The following PNPLA7 variants were observed in gnomAD, a reference collection of about 807,000 sequenced individuals.
The protein encoded by PNPLA7 is patatin-like phospholipase domain-containing protein 7.
A neutral mutation model predicts 161.7 loss-of-function variants in PNPLA7; 153 were observed. That is an observed-to-expected ratio of 0.95 (90% CI 0.83 to 1.08). The LOEUF (loss-of-function observed/expected upper bound fraction) is 1.08, where lower values mean the gene tolerates loss of function less well. Among genes scored for constraint, PNPLA7 ranks in the 50% least tolerant of loss-of-function variants. The pLI is 0.00. For missense variants in PNPLA7, 1,739 were observed against 1,856.6 expected, an observed-to-expected ratio of 0.94 and a Z score of 1.16; for synonymous variants, 809 against 782.1, an observed-to-expected ratio of 1.03 and a Z score of -0.57.
Position 137,550,080 on chromosome 9 carries a change from C to A in PNPLA7, c.30+88G>T, listed in dbSNP as rs147208368. 3.2e-3 allele frequency: 4,956 copies of A among 1,537,064 alleles called. 119 individuals carry two copies. In the South Asian group the frequency reaches 0.037, roughly 12 times the overall value. On this transcript the variant is annotated intron_variant, in intron 1 of 34. Transcript: ENST00000406427. ...GAAGCCACGGGGCCAAAGAGCGCGG[C>A]AGAGCAGACGCCAAGAGGACCCTTC...
chr9:137,465,324 C>T (rs1415133830), intron 26 of PNPLA7, among the ~76,000 whole-genome samples: 1 of 152,216 alleles, frequency 6.6e-6, no homozygotes, highest in Admixed American at 6.5e-5. Flanking sequence ...CAGCCCCGGC[C>T]TCACCTTGCC....
At chr9:137,545,220 T>A (rs1836430498) in intron 4 of PNPLA7, among the ~76,000 whole-genome samples, 1 of 151,932 alleles carries the variant, frequency 6.6e-6, no homozygotes, top group African/African-American at 2.4e-5. Context: ...GGCCCAGGGA[T>A]CTGTGTCTAG....
Position 137,463,427 on chromosome 9 carries a change from T to C in PNPLA7, c.3331A>G (p.Asn1111Asp). Reference protein sequence around the residue: ...GHLLMDGGYINNLPADVARSM... With the variant: ...GHLLMDGGYIDNLPADVARSM... ...CCCACCGCAGTACCTGGGAGGTTGT[T>C]GATGTAGCCCCCGTCCATCAGCAGG... Residue 1111 changes from asparagine to aspartate, a missense_variant, in exon 29 of 35, where the codon AAC (asparagine) becomes GAC (aspartate). By Grantham distance (23) the Asn-to-Asp change is conservative (BLOSUM62 1). Transcript: ENST00000406427. 5.0e-6 allele frequency: 8 copies of C among 1,603,438 alleles called. No homozygotes were observed. The highest frequency in any genetic ancestry group is 6.8e-6 in the Non-Finnish European group (8 of 1,175,172).
chr9:137,498,979 G>A (rs1026571843), intron 16 of PNPLA7, among the ~76,000 whole-genome samples: 23 of 152,252 alleles, frequency 1.5e-4, no homozygotes, highest in African/African-American at 5.5e-4. Flanking sequence ...GGGGGAAGCT[G>A]GGGAGATGGC....
rs144756409 is a variant in PNPLA7, at chr9:137,462,223, C to T, written c.3601G>A (p.Asp1201Asn). The T allele has an allele frequency of 4.4e-6, 7 of 1,603,222 alleles. No individual in the cohort carries two copies. The African/African-American group carries it at 6.7e-5, about 15-fold the overall frequency. The change falls in exon 31 of 35, where the codon GAC (aspartate) becomes AAC (asparagine). Residue 1201 changes from aspartate to asparagine, a missense_variant. Physicochemically the swap from Asp to Asn is conservative, Grantham distance 23 (BLOSUM62 1). Coordinates refer to ENST00000406427, the MANE Select transcript of PNPLA7 (RefSeq NM_001098537.3). ...DYCEYLRPPI[D>N]SYSTLDFGKF... ...CCGAAGTCCAGGGTGCTGTAGCTGT[C>T]GATGGGGGGGCGCAGGTACTCGCAG...
intron 4 of PNPLA7, among the ~76,000 whole-genome samples, chr9:137,545,983 T>C (rs1487774333): frequency 1.3e-5 from 2 of 152,054 alleles, no homozygotes. Context: ...CCACCTCCTG[T>C]GGAGGGCCTG....
intron 14 of PNPLA7, among the ~76,000 whole-genome samples, chr9:137,503,773 A>G (rs374270075): frequency 8.0e-5 from 1 of 12,480 alleles, no homozygotes; most frequent in Non-Finnish European, 1.3e-4. Context: ...GAAAAAGAAG[A>G]AAAAAGAAAG....
intron 8 of PNPLA7, among the ~76,000 whole-genome samples, chr9:137,535,858 A>C (rs1017836685): frequency 2.0e-4 from 30 of 152,024 alleles, no homozygotes; most frequent in African/African-American, 7.2e-4. Flanking sequence ...AAATCTAGAA[A>C]GTATAACAAA....
intron 12 of PNPLA7, chr9:137,509,641 A>G (rs1834111772): frequency 4.8e-6 from 2 of 417,374 alleles, no homozygotes; most frequent in Middle Eastern, 6.8e-4. Context: ...GGCGTGAATG[A>G]GTTTAGCTGG....
chr9:137,461,689 T>TG, intron 32 of PNPLA7, 69 bp from the exon 33 acceptor site: 1 of 1,475,156 alleles, frequency 6.8e-7, no homozygotes, highest in Non-Finnish European at 9.3e-7. Context: ...CTGCTTCCTG[T>TG]GGGGAGGCCC....
At position 137,490,197 on chromosome 9, in the gene PNPLA7, G is replaced by A. The variant is rs1832697629; in HGVS notation, c.2197+2816C>T. Among the ~76,000 whole-genome samples, 1 of 152,190 alleles carries A rather than the reference G, an allele frequency of 6.6e-6. No individual in the cohort carries two copies. The highest frequency in any genetic ancestry group is 2.1e-4 in the South Asian group (1 of 4,834). On this transcript the variant is annotated intron_variant, in intron 20 of 34. Transcript: ENST00000406427. The surrounding 1 kb of genome is among the most constrained non-coding windows in gnomAD (Gnocchi z 4.1). ...TAACCTCGAACTCCGAGGCCCAAAC[G>A]ATCCTCCCACCTCAACCCTCTGCAT...
intron 14 of PNPLA7, among the ~76,000 whole-genome samples, chr9:137,503,101 G>T (rs1455792712): frequency 6.6e-6 from 1 of 152,052 alleles, no homozygotes; most frequent in Admixed American, 6.5e-5. Context: ...GAGAAGACTG[G>T]CTGGGTACAG....
intron 33 of PNPLA7, chr9:137,461,123 TGA>T (rs1261397099): frequency 3.1e-6 from 1 of 322,420 alleles, no homozygotes; most frequent in Non-Finnish European, 5.9e-6. Context: ...AGTTCTGCTG[TGA>T]GGAGGCCACT....
At position 137,500,424 on chromosome 9, in the gene PNPLA7, C is replaced by T. The variant is rs1833326035; in HGVS notation, c.1757+267G>A. Among the ~76,000 whole-genome samples the T allele has an allele frequency of 6.6e-6, 1 of 152,172 alleles. No individual in the cohort carries two copies. The highest frequency in any genetic ancestry group is 2.4e-5 in the African/African-American group (1 of 41,430). The stretch of plus-strand genomic sequence containing the variant: ...TAAATGGACACGGCTGAGACCAGAC[C>T]ACAGACCAGTGATAAATGGACACAG... On this transcript the variant is annotated intron_variant, in intron 16 of 34. Transcript: ENST00000406427. The surrounding 1 kb of genome is among the most constrained non-coding windows in gnomAD (Gnocchi z 5.5).
At chr9:137,526,341 G>T (rs1010685760) in intron 8 of PNPLA7, among the ~76,000 whole-genome samples, 3 of 152,010 alleles carry the variant, frequency 2.0e-5, no homozygotes, top group African/African-American at 7.2e-5. Context: ...GCAATGGCGC[G>T]ATCTCAGCTC....
rs770119844 is a variant in PNPLA7, at chr9:137,462,721, C to T, written c.3456G>A (p.Leu1152=). The change falls in exon 30 of 35, where the codon CTG becomes CTA. Residue 1152 remains leucine (L), a synonymous_variant. Transcript: ENST00000406427. ...YGDALSGWWL[L]WKRWNPLATK... ...TGGCCAAGGGGTTCCAGCGTTTCCACAGCAGCCACCACCCAGACAGCGCAT... is the reference window on the plus strand; with the variant it reads ...TGGCCAAGGGGTTCCAGCGTTTCCATAGCAGCCACCACCCAGACAGCGCAT... The T allele has an allele frequency of 6.2e-7, 1 of 1,613,996 alleles. No homozygotes were observed. The highest frequency in any genetic ancestry group is 1.7e-5 in the Admixed American group (1 of 60,014).
intron 34 of PNPLA7, 65 bp downstream of exon 34, chr9:137,460,569 C>T (rs1831129098): frequency 2.1e-5 from 33 of 1,594,586 alleles, no homozygotes; most frequent in Non-Finnish European, 2.7e-5. Context: ...AGGGAGTGGC[C>T]GGCACAGGGC....
intron 12 of PNPLA7, among the ~76,000 whole-genome samples, chr9:137,511,632 C>G (rs980041998): frequency 1.3e-5 from 2 of 152,218 alleles, no homozygotes; most frequent in African/African-American, 4.8e-5. Context: ...CTCTGCTCCA[C>G]CAGTTCTTGT....
chr9:137,462,987 C>A, intron 29 of PNPLA7, 154 bp from the exon 30 acceptor site: 1 of 1,021,762 alleles, frequency 9.8e-7, no homozygotes, highest in Non-Finnish European at 1.4e-6. Flanking sequence ...ATGCCCAGCT[C>A]GATGGGCAGC....
Sources: allele counts gnomAD v4.1 joint callset (sites outside exome capture counted in the v4.1 genomes callset), GRCh38; gene constraint gnomAD v4.1.1; non-coding constraint Gnocchi (gnomAD v3.1); transcripts MANE v1.5; gene names NCBI Gene and HGNC (gene_info 2026-07-23, HGNC 2026-07-21).